Variants in AP2B1 observed in about 807,000 individuals in gnomAD.
AP2B1 encodes the protein adaptor related protein complex 2 subunit beta 1.
AP2B1 carries 23 observed loss-of-function variants against 102.0 expected under a neutral mutation model. That is an observed-to-expected ratio of 0.23 (90% CI 0.16 to 0.32). AP2B1 has a LOEUF of 0.32. AP2B1 is among the 10% of genes least tolerant of loss of function. The pLI, the probability that AP2B1 is intolerant of heterozygous loss-of-function variation, is 1.00. For synonymous variants in AP2B1, 381 were observed against 421.2 expected (o/e 0.90, Z 1.17); for missense variants, 541 against 1,157.4 (o/e 0.47, Z 7.73).
At chr17:35,717,052 A>G in intron 20 of AP2B1, 143 bp from the exon 21 acceptor site, 2 of 853,226 alleles carry the variant, frequency 2.3e-6, no homozygotes, top group Non-Finnish European at 3.6e-6. Context: ...GTGTGGGAGA[A>G]TGGCTTCTGA....
chr17:35,644,423 G>A (rs1423928592), intron 12 of AP2B1, among the ~76,000 whole-genome samples: 1 of 152,098 alleles, frequency 6.6e-6, no homozygotes, highest in Non-Finnish European at 1.5e-5. Context: ...TGTCACCCAG[G>A]CTGGAGTGCA....
intron 17 of AP2B1, among the ~76,000 whole-genome samples, chr17:35,675,829 G>A (rs544701918): frequency 3.3e-5 from 5 of 150,848 alleles, no homozygotes; most frequent in East Asian, 1.9e-4. Context: ...CTCTCTAATC[G>A]TTAAAAAAAA....
intron 17 of AP2B1, among the ~76,000 whole-genome samples, chr17:35,677,088 T>TA (rs1355533248): frequency 6.6e-6 from 1 of 152,118 alleles, no homozygotes; most frequent in Non-Finnish European, 1.5e-5. Flanking sequence ...TTCCTGGGCT[T>TA]AAGTGATTCT....
chr17:35,645,250 G>C (rs1166457138), intron 12 of AP2B1, among the ~76,000 whole-genome samples: 1 of 152,128 alleles, frequency 6.6e-6, no homozygotes, highest in East Asian at 1.9e-4. Context: ...CTTAAATTGG[G>C]TAGTGAGGTT....
At chr17:35,688,536 T>G (rs1045444157) in intron 18 of AP2B1, among the ~76,000 whole-genome samples, 1 of 152,242 alleles carries the variant, frequency 6.6e-6, no homozygotes. Context: ...TTTAACTTCT[T>G]TGCTGCTGCT....
At chr17:35,672,700 G>A (rs922438627) in intron 16 of AP2B1, among the ~76,000 whole-genome samples, 3 of 152,114 alleles carry the variant, frequency 2.0e-5, no homozygotes, top group Non-Finnish European at 4.4e-5. Context: ...GGCACAACTC[G>A]GTAGCTTTGT....
intron 17 of AP2B1, among the ~76,000 whole-genome samples, chr17:35,676,723 C>G (rs1285183853): frequency 1.3e-5 from 2 of 152,150 alleles, no homozygotes; most frequent in African/African-American, 4.8e-5. Flanking sequence ...GTAGTAGTGT[C>G]TCATTTTAAT....
chr17:35,590,318 A>T (rs1192262865), intron 1 of AP2B1, among the ~76,000 whole-genome samples: 1 of 152,168 alleles, frequency 6.6e-6, no homozygotes, highest in Non-Finnish European at 1.5e-5. Flanking sequence ...TCATTATATG[A>T]GGTGAGAACT....
chr17:35,596,697 A>T lies in AP2B1; in HGVS notation c.38-1533A>T, dbSNP rs142250377. ...GCCCTCGAGCACCAGCTTCACGTCC[A>T]GCTCCAGCTGCCCGGTGTAGAAGCC... On this transcript the variant is annotated intron_variant, in intron 2 of 21. Transcript: ENST00000610402. 6.5e-3 allele frequency among the ~76,000 whole-genome samples: 994 copies of T among 152,162 alleles called. 5 individuals are homozygous for T. Among genetic ancestry groups the T allele is most frequent in the South Asian group, 0.017 (81 of 4,826 alleles).
chr17:35,711,188 G>A (rs1336742346), intron 20 of AP2B1, among the ~76,000 whole-genome samples: 1 of 152,038 alleles, frequency 6.6e-6, no homozygotes, highest in Admixed American at 6.6e-5. Context: ...TTTCTCTTTA[G>A]AGCTCTTTCT....
At chr17:35,643,021 C>T (rs1019735335) in intron 12 of AP2B1, among the ~76,000 whole-genome samples, 6 of 150,628 alleles carry the variant, frequency 4.0e-5, no homozygotes, top group Admixed American at 3.3e-4. Context: ...CCACACCCCC[C>T]ACAGCCTTTT....
intron 13 of AP2B1, among the ~76,000 whole-genome samples, chr17:35,653,783 G>A (rs150752970): frequency 3.6e-4 from 55 of 151,998 alleles, no homozygotes; most frequent in African/African-American, 1.3e-3. Flanking sequence ...GCTGGAATAT[G>A]AACAGGTTCT....
chr17:35,710,993 T>G (rs782459121), intron 20 of AP2B1, among the ~76,000 whole-genome samples: 2 of 152,196 alleles, frequency 1.3e-5, no homozygotes, highest in Non-Finnish European at 2.9e-5. Flanking sequence ...TAATCACCAT[T>G]AAAGAGCTCC....
intron 5 of AP2B1, among the ~76,000 whole-genome samples, chr17:35,616,367 A>ACTAAAGACCAT (rs2074021136): frequency 6.6e-6 from 1 of 151,468 alleles, no homozygotes; most frequent in Non-Finnish European, 1.5e-5. Flanking sequence ...GGGGGGTTTC[A>ACTAAAGACCAT]CCGTGTTAGT....
intron 13 of AP2B1, 197 bp downstream of exon 13, chr17:35,650,986 A>G: frequency 1.8e-6 from 1 of 569,114 alleles, no homozygotes. Context: ...TCTGAATACC[A>G]GTGACCACAC....
At chr17:35,717,010 A>T (rs1159028403) in intron 20 of AP2B1, among the ~76,000 whole-genome samples, 185 bp from the exon 21 acceptor site, 1 of 152,236 alleles carries the variant, frequency 6.6e-6, no homozygotes, top group Non-Finnish European at 1.5e-5. Flanking sequence ...TAGGCAGACA[A>T]GTCATGAACC....
At chr17:35,696,584 T>G (rs963038513) in intron 18 of AP2B1, among the ~76,000 whole-genome samples, 6 of 151,976 alleles carry the variant, frequency 3.9e-5, no homozygotes, top group Non-Finnish European at 8.8e-5. Flanking sequence ...GACAGGAGTT[T>G]CGTCATGTTG....
chr17:35,664,149 C>T (rs999455827), intron 14 of AP2B1, among the ~76,000 whole-genome samples: 7 of 152,198 alleles, frequency 4.6e-5, no homozygotes, highest in African/African-American at 1.7e-4. Context: ...ACTTTGAGGG[C>T]AGTTAAATGA....
At position 35,656,277 on chromosome 17, in the gene AP2B1, A is replaced by AGGGGGCC. The variant is rs2075216724; in HGVS notation, c.1797-1322_1797-1321insGGGGGCC. On this transcript the variant is annotated intron_variant, in intron 13 of 21. Coordinates refer to ENST00000610402, the MANE Select transcript of AP2B1 (RefSeq NM_001030006.2). ...TTTACCTTGTGAACCATAGGGGGCC[A>AGGGGGCC]AGGTTCATTTTTCCCCCACATAGCT... is the stretch of plus-strand genomic sequence containing the variant. Among the ~76,000 whole-genome samples the AGGGGGCC allele has an allele frequency of 7.2e-5, 11 of 152,118 alleles. No individual in the cohort carries two copies. The South Asian group carries it at 1.9e-3, about 26-fold the overall frequency.
Sources: allele counts gnomAD v4.1 joint callset (sites outside exome capture counted in the v4.1 genomes callset), GRCh38; gene constraint gnomAD v4.1.1; transcripts MANE v1.5; gene names NCBI Gene and HGNC (gene_info 2026-07-23, HGNC 2026-07-21).